The following MID2 variants were observed in gnomAD, a reference collection of about 807,000 sequenced individuals.
MID2 encodes the protein midline 2, also known as probable E3 ubiquitin-protein ligase MID2.
A neutral mutation model predicts 46.1 loss-of-function variants in MID2; 13 were observed. That is an observed-to-expected ratio of 0.28 (90% CI 0.18 to 0.45). MID2 has a LOEUF of 0.45. Among genes scored for constraint, MID2 ranks in the 20% least tolerant of loss-of-function variants. The pLI, the probability that MID2 is intolerant of heterozygous loss-of-function variation, is 1.00. For synonymous variants in MID2, 199 were observed against 212.3 expected, an observed-to-expected ratio of 0.94 and a Z score of 0.55; for missense variants, 431 against 575.4, an observed-to-expected ratio of 0.75 and a Z score of 2.57.
At chrX:107,922,394 T>G (rs1438959296) in intron 7 of MID2, among the ~76,000 whole-genome samples, 1 of 112,690 alleles carries the variant, frequency 8.9e-6, no homozygotes, top group Non-Finnish European at 1.9e-5. Flanking sequence ...TCGTCTGAAA[T>G]GCAGTTGGGT....
At chrX:107,860,626 T>C (rs1931834099) in intron 3 of MID2, among the ~76,000 whole-genome samples, 1 of 112,381 alleles carries the variant, frequency 8.9e-6, no homozygotes, top group Non-Finnish European at 1.9e-5. Flanking sequence ...TTTGAGGAGA[T>C]TACTGAAGAA....
chrX:107,909,514 T>C (rs1390984760), intron 5 of MID2, among the ~76,000 whole-genome samples: 1 of 112,046 alleles, frequency 8.9e-6, no homozygotes, highest in East Asian at 2.8e-4. Context: ...TACTATGTCC[T>C]GTGAACTCCA....
At chrX:107,857,584 T>C (rs1448052756) in intron 3 of MID2, among the ~76,000 whole-genome samples, 1 of 111,833 alleles carries the variant, frequency 8.9e-6, no homozygotes, top group Non-Finnish European at 1.9e-5. Flanking sequence ...CCCGGCCAAC[T>C]TCCTCTTAAT....
At chrX:107,887,552 C>T (rs1306240980) in intron 3 of MID2, among the ~76,000 whole-genome samples, 63 of 111,544 alleles carry the variant, frequency 5.6e-4, no homozygotes, top group African/African-American at 1.5e-3. Context: ...ATTTTTGCAT[C>T]GATGTTCATC....
chrX:107,829,824 G>C (rs1341673162), intron 1 of MID2, among the ~76,000 whole-genome samples: 1 of 112,059 alleles, frequency 8.9e-6, no homozygotes, highest in East Asian at 2.8e-4. Context: ...GTTGCACCCT[G>C]CAAGGCCACC....
chrX:107,916,292 C>G (rs1208579332), intron 6 of MID2, among the ~76,000 whole-genome samples, 163 bp downstream of exon 6: 1 of 111,567 alleles, frequency 9.0e-6, no homozygotes, highest in African/African-American at 3.3e-5. Flanking sequence ...GTTCATGTAA[C>G]AGAAAAAAAG....
chrX:107,855,527 TA>T (rs763109244), intron 3 of MID2, among the ~76,000 whole-genome samples: 6 of 112,223 alleles, frequency 5.3e-5, no homozygotes, highest in African/African-American at 1.9e-4. Context: ...AGTGGTTGGA[TA>T]AAAATGTTTC....
At chrX:107,907,483 T>C (rs1463033215) in intron 5 of MID2, among the ~76,000 whole-genome samples, 1 of 112,154 alleles carries the variant, frequency 8.9e-6, no homozygotes, top group Non-Finnish European at 1.9e-5. Context: ...GCCTTCCTTC[T>C]GATTAAAATG....
At chrX:107,874,716 A>C (rs1932159819) in intron 3 of MID2, among the ~76,000 whole-genome samples, 1 of 112,016 alleles carries the variant, frequency 8.9e-6, no homozygotes, top group Non-Finnish European at 1.9e-5. Flanking sequence ...ATAAGGGACA[A>C]ACTATTTCAC....
chrX:107,870,463 A>G (rs758636975), intron 3 of MID2, among the ~76,000 whole-genome samples: 1 of 111,499 alleles, frequency 9.0e-6, no homozygotes, highest in African/African-American at 3.3e-5. Flanking sequence ...GCCTTAAAAA[A>G]ATTACAGATT....
At position 107,928,237 on chromosome X, in the gene MID2, A is replaced by C. The variant is rs1159193282; in HGVS notation, c.*1164A>C. Among the ~76,000 whole-genome samples the C allele has an allele frequency of 9.0e-6, 1 of 111,584 alleles. No homozygotes were observed. The highest frequency in any genetic ancestry group is 1.9e-5 in the Non-Finnish European group (1 of 53,075). ...ATAAAACACTTCTGAAGTGCTCAAG[A>C]ATGTCTGAAAACAGTTTGTTTTCTT... On this transcript the variant is annotated 3_prime_UTR_variant, in exon 10 of 10. Coordinates refer to ENST00000262843, the MANE Select transcript of MID2 (RefSeq NM_012216.4).
At chrX:107,925,659 A>C (rs1412860815) in intron 8 of MID2, among the ~76,000 whole-genome samples, 3 of 111,652 alleles carry the variant, frequency 2.7e-5, no homozygotes, top group Non-Finnish European at 5.6e-5. Flanking sequence ...CTTTCTGTTA[A>C]AATCTACCCA....
chrX:107,842,970 G>A (rs922286691), intron 2 of MID2, among the ~76,000 whole-genome samples: 1 of 111,909 alleles, frequency 8.9e-6, no homozygotes, highest in African/African-American at 3.2e-5. Flanking sequence ...TACTGTAGCC[G>A]GCTGCCACTT....
intron 3 of MID2, 29 bp downstream of exon 3, chrX:107,854,733 C>T: frequency 9.2e-7 from 1 of 1,090,499 alleles, no homozygotes; most frequent in East Asian, 3.0e-5. Context: ...TGTGATTTTT[C>T]AGAGGACCTG....
At position 107,891,121 on chromosome X, in the gene MID2, C is replaced by T. The variant is rs151244156; in HGVS notation, c.817-12837C>T. On this transcript the variant is annotated intron_variant, in intron 3 of 9. Transcript: ENST00000262843. Reference sequence around the variant, plus strand: ...ACGCTCGGTGCGCTGCACCCACTGTCCTGCACCCTCTTTCTGAGACTCCCC... The same window carrying T: ...ACGCTCGGTGCGCTGCACCCACTGTTCTGCACCCTCTTTCTGAGACTCCCC... 2.0e-3 allele frequency among the ~76,000 whole-genome samples: 216 copies of T among 110,086 alleles called. 4 individuals carry two copies. In the East Asian group the frequency reaches 0.055, roughly 28 times the overall value.
chrX:107,926,039 A>C, intron 8 of MID2, 55 bp from the exon 9 acceptor site: 2 of 957,229 alleles, frequency 2.1e-6, no homozygotes, highest in East Asian at 6.1e-5. Flanking sequence ...AAAAGGTAGA[A>C]TTTTAAGATA....
Position 107,826,371 on chromosome X carries a change from A to G in MID2, c.-56A>G, listed in dbSNP as rs1283068669. Reference sequence around the variant, plus strand: ...CCGAGCCAACCCGCTGCGGAGGCAGACGAGAGCCCAGCGCCCTCGAGCGAG... The same window carrying G: ...CCGAGCCAACCCGCTGCGGAGGCAGGCGAGAGCCCAGCGCCCTCGAGCGAG... On this transcript the variant is annotated 5_prime_UTR_variant, in exon 1 of 10. Transcript: ENST00000262843. The G allele has an allele frequency of 2.7e-6, 3 of 1,121,116 alleles. No homozygotes were observed. Among genetic ancestry groups the G allele is most frequent in the East Asian group, 7.8e-5 (2 of 25,574 alleles). The allele number at this position is 1,121,116 out of a possible 1,213,427, so 92.4% of individuals were successfully genotyped here. A position where few individuals can be genotyped will look rare whatever the true frequency, so the allele number is the denominator to read the frequency against.
chrX:107,848,885 G>A (rs1329099149), intron 2 of MID2, among the ~76,000 whole-genome samples: 1 of 112,207 alleles, frequency 8.9e-6, no homozygotes, highest in Admixed American at 9.4e-5. Flanking sequence ...GAAGATTCTG[G>A]CTTCTGGCTT....
At chrX:107,899,114 G>A (rs1190168445) in intron 3 of MID2, among the ~76,000 whole-genome samples, 1 of 108,216 alleles carries the variant, frequency 9.2e-6, no homozygotes, top group African/African-American at 3.4e-5. Context: ...GAAGGCTGAT[G>A]AACTTTAAAC....
Sources: allele counts gnomAD v4.1 joint callset (sites outside exome capture counted in the v4.1 genomes callset), GRCh38; gene constraint gnomAD v4.1.1; transcripts MANE v1.5; gene names NCBI Gene and HGNC (gene_info 2026-07-23, HGNC 2026-07-21).